The following MLANA variants were observed in gnomAD, a reference collection of about 807,000 sequenced individuals.
MLANA encodes the protein melanoma antigen recognized by T-cells 1.
MLANA carries 21 observed loss-of-function variants against 15.7 expected under a neutral mutation model. The observed-to-expected ratio is 1.33, with a 90% confidence interval of 0.95 to 1.92. The LOEUF is 1.92. MLANA is among the 40% of genes most tolerant of loss of function. The probability of loss-of-function intolerance (pLI) is 0.00; values close to 1 mark genes in which losing one functional copy is unlikely to be tolerated. For synonymous variants in MLANA, 56 were observed against 51.5 expected, an observed-to-expected ratio of 1.09 and a Z score of -0.37; for missense variants, 164 against 143.8, an observed-to-expected ratio of 1.14 and a Z score of -0.72.
intron 2 of MLANA, among the ~76,000 whole-genome samples, chr9:5,895,209 C>T (rs1451959475): frequency 1.3e-5 from 2 of 152,118 alleles, no homozygotes; most frequent in African/African-American, 4.8e-5. Flanking sequence ...TGTAGGAACC[C>T]CTGAATACAT....
At chr9:5,891,064 G>C (rs1034903137) in intron 1 of MLANA, 128 bp downstream of exon 1, 4 of 152,192 alleles carry the variant, frequency 2.6e-5, no homozygotes, top group African/African-American at 7.2e-5. Context: ...GAATTTCTCC[G>C]CAACGTTTGT....
intron 3 of MLANA, among the ~76,000 whole-genome samples, chr9:5,905,925 T>C (rs1341648873): frequency 2.6e-5 from 4 of 152,240 alleles, no homozygotes; most frequent in Non-Finnish European, 5.9e-5. Flanking sequence ...GCAGTTTTTT[T>C]CTTTCTGTTA....
chr9:5,891,551 T>C (rs1327445776), intron 1 of MLANA, among the ~76,000 whole-genome samples: 1 of 152,136 alleles, frequency 6.6e-6, no homozygotes, highest in Non-Finnish European at 1.5e-5. Flanking sequence ...TATAATTCTA[T>C]GGGGATCACA....
At chr9:5,895,202 A>G (rs1169962642) in intron 2 of MLANA, among the ~76,000 whole-genome samples, 1 of 152,204 alleles carries the variant, frequency 6.6e-6, no homozygotes, top group East Asian at 1.9e-4. Flanking sequence ...CTGTGAGTGT[A>G]GGAACCCCTG....
In MLANA at chr9:5,908,716, C is replaced by A; in HGVS notation, c.*8C>A. On this transcript the variant is annotated 3_prime_UTR_variant, in exon 5 of 5. Transcript: ENST00000381477. ...CCACCTTATTCACCTTAAGAGCCAG[C>A]GAGACACCTGAGACATGCTGAAATT... 6.2e-7 allele frequency: 1 copy of A among 1,611,058 alleles called. No homozygotes were observed. The highest frequency in any genetic ancestry group is 8.5e-7 in the Non-Finnish European group (1 of 1,177,364).
At position 5,892,479 on chromosome 9, in the gene MLANA, C is replaced by T. The variant is rs375639057; in HGVS notation, c.5C>T (p.Pro2Leu). Residue 2 changes from proline to leucine, a missense_variant, in exon 2 of 5, where the codon CCA becomes CTA. Transcript: ENST00000381477. ...CCTGTGCCCTGACCCTACAAGATGCCAAGAGAAGATGCTCACTTCATCTAT... is the reference window on the plus strand; with the variant it reads ...CCTGTGCCCTGACCCTACAAGATGCTAAGAGAAGATGCTCACTTCATCTAT... M[P>L]REDAHFIYGY... 5 of 1,613,262 alleles carry T rather than the reference C, an allele frequency of 3.1e-6. No individual in the cohort carries two copies. Among genetic ancestry groups the T allele is most frequent in the Middle Eastern group, 1.6e-4 (1 of 6,080 alleles).
At chr9:5,907,906 T>C (rs777919068) in intron 4 of MLANA, among the ~76,000 whole-genome samples, 7 of 152,214 alleles carry the variant, frequency 4.6e-5, no homozygotes, top group Non-Finnish European at 8.8e-5. Context: ...TGAGCCGAGA[T>C]AGTGCCACTG....
Position 5,894,108 on chromosome 9 carries a change from C to T in MLANA, c.77+1557C>T, listed in dbSNP as rs950045763. Reference sequence around the variant, plus strand: ...AGGCAAATATTTGCACAATCCCATCCGACGAGAGGCTAGGGCAGAGGTCAG... The same window carrying T: ...AGGCAAATATTTGCACAATCCCATCTGACGAGAGGCTAGGGCAGAGGTCAG... On this transcript the variant is annotated intron_variant, in intron 2 of 4. Coordinates refer to ENST00000381477, the MANE Select transcript of MLANA (RefSeq NM_005511.2). This position sits in a 1 kb window ranked among gnomAD's most constrained non-coding sequence, Gnocchi z 4.0. Among the ~76,000 whole-genome samples, 1 of 152,052 alleles carries T rather than the reference C, an allele frequency of 6.6e-6. No individual in the cohort carries two copies. The highest frequency in any genetic ancestry group is 1.5e-5 in the Non-Finnish European group (1 of 68,014).
At chr9:5,892,197 T>C (rs1831698031) in intron 1 of MLANA, among the ~76,000 whole-genome samples, 1 of 152,214 alleles carries the variant, frequency 6.6e-6, no homozygotes. Flanking sequence ...CTTGCAAGTC[T>C]TTTTTGCTTT....
At chr9:5,898,713 C>T (rs961692069) in intron 3 of MLANA, among the ~76,000 whole-genome samples, 1 of 152,160 alleles carries the variant, frequency 6.6e-6, no homozygotes. Context: ...GGTTCTGTTA[C>T]TCCACTTTGT....
chr9:5,907,428 A>G (rs1832886971), intron 4 of MLANA, among the ~76,000 whole-genome samples: 1 of 152,244 alleles, frequency 6.6e-6, no homozygotes. Context: ...CTTAGCCACT[A>G]GTCACATGGT....
chr9:5,905,492 C>G (rs566892223), intron 3 of MLANA, among the ~76,000 whole-genome samples: 1 of 152,276 alleles, frequency 6.6e-6, no homozygotes, highest in South Asian at 2.1e-4. Flanking sequence ...TCATGCCCTT[C>G]AAACCATAAA....
At position 5,906,359 on chromosome 9, in the gene MLANA, A is replaced by G. The variant is rs1006093578; in HGVS notation, c.175-526A>G. Among the ~76,000 whole-genome samples the G allele has an allele frequency of 3.5e-4, 53 of 149,482 alleles. 1 individual carries two copies. The highest frequency in any genetic ancestry group is 1.3e-3 in the African/African-American group (51 of 39,622). ...AAAAAAAAAGAAAAGAAAAGAAAAGAAAAAAAAAGTTTTTATTTTACCTTC... is the reference window on the plus strand; with the variant it reads ...AAAAAAAAAGAAAAGAAAAGAAAAGGAAAAAAAAGTTTTTATTTTACCTTC... On this transcript the variant is annotated intron_variant, in intron 3 of 4. Transcript: ENST00000381477.
intron 4 of MLANA, among the ~76,000 whole-genome samples, chr9:5,908,223 AT>A (rs781647830): frequency 1.3e-5 from 2 of 152,142 alleles, no homozygotes; most frequent in African/African-American, 2.4e-5. Context: ...GCCCTGACAC[AT>A]TTGTTCTGGA....
rs1340846843 is a variant in MLANA at position 5,894,473 on chromosome 9, G to C, written c.77+1922G>C. Among the ~76,000 whole-genome samples the C allele has an allele frequency of 1.3e-5, 2 of 152,188 alleles. No individual in the cohort carries two copies. Among genetic ancestry groups the C allele is most frequent in the African/African-American group, 4.8e-5 (2 of 41,444 alleles). The stretch of plus-strand genomic sequence containing the variant: ...AAGGGTGAGGCCATCAGGACCTAGA[G>C]TTGGGAGGAGGGACGCCACAGAAAT... On this transcript the variant is annotated intron_variant, in intron 2 of 4. Coordinates refer to ENST00000381477, the MANE Select transcript of MLANA (RefSeq NM_005511.2). This position sits in a 1 kb window ranked among gnomAD's most constrained non-coding sequence, Gnocchi z 4.0.
Position 5,908,828 on chromosome 9 carries a change from A to G in MLANA, c.*120A>G, listed in dbSNP as rs921389989. 67 of 899,214 alleles carry G rather than the reference A, an allele frequency of 7.5e-5. No homozygotes were observed. The highest frequency in any genetic ancestry group is 1.1e-4 in the Non-Finnish European group (64 of 569,138). 55.7% of individuals were successfully genotyped at this position (899,214 alleles called of 1,614,324 possible). On this transcript the variant is annotated 3_prime_UTR_variant, in exon 5 of 5. Transcript: ENST00000381477. The stretch of plus-strand genomic sequence containing the variant: ...GTAGGAAAAATGCAAGCCATCTCTA[A>G]TAATAAGTCAGTGTTAAAATTTTAG...
rs1831868165 is a variant in MLANA at position 5,894,382 on chromosome 9, A to G, written c.77+1831A>G. Among the ~76,000 whole-genome samples the G allele has an allele frequency of 6.6e-6, 1 of 152,188 alleles. No homozygotes were observed. Among genetic ancestry groups the G allele is most frequent in the South Asian group, 2.1e-4 (1 of 4,822 alleles). On this transcript the variant is annotated intron_variant, in intron 2 of 4. Coordinates refer to ENST00000381477, the MANE Select transcript of MLANA (RefSeq NM_005511.2). This position sits in a 1 kb window ranked among gnomAD's most constrained non-coding sequence, Gnocchi z 4.0. ...CTGAGACTGAGGAGGCAAAGAAGGC[A>G]TCGGGGCAACCAAGGCTGTACCCAC...
intron 1 of MLANA, 125 bp downstream of exon 1, chr9:5,891,061 T>C (rs1003497854): frequency 6.6e-6 from 1 of 152,144 alleles, no homozygotes; most frequent in Non-Finnish European, 1.5e-5. Flanking sequence ...ACAGAATTTC[T>C]CCGCAACGTT....
chr9:5,897,528 A>G lies in MLANA; in HGVS notation c.78-29A>G. On this transcript the variant is annotated intron_variant, in intron 2 of 4. Transcript: ENST00000381477. ...TAATGTAGAACAATGTTTCAATGAC[A>G]AAGTGGATTTGTCTATCTCTTGGGC... 1.9e-6 allele frequency: 3 copies of G among 1,589,234 alleles called. No individual in the cohort carries two copies. The East Asian group carries it at 6.7e-5, about 35-fold the overall frequency.
Sources: allele counts gnomAD v4.1 joint callset (sites outside exome capture counted in the v4.1 genomes callset), GRCh38; gene constraint gnomAD v4.1.1; non-coding constraint Gnocchi (gnomAD v3.1); transcripts MANE v1.5; gene names NCBI Gene and HGNC (gene_info 2026-07-23, HGNC 2026-07-21).